Variants in ZNF534 observed in about 807,000 individuals in gnomAD.
ZNF534 encodes KRAB domain only 3.
A neutral mutation model predicts 13.6 loss-of-function variants in ZNF534; 19 were observed. The ratio of observed to expected loss-of-function variants is 1.40; its 90% confidence interval spans 0.97 to 2.05. The LOEUF (loss-of-function observed/expected upper bound fraction) is 2.05, where lower values mean the gene tolerates loss of function less well. Among genes scored for constraint, ZNF534 ranks in the 30% most tolerant of loss-of-function variants. The probability of loss-of-function intolerance (pLI) is 0.00; values close to 1 mark genes in which losing one functional copy is unlikely to be tolerated. For missense variants in ZNF534, 782 were observed against 796.3 expected (o/e 0.98, Z 0.22); for synonymous variants, 244 against 273.8 (o/e 0.89, Z 1.07).
chr19:52,439,717 A>T lies in ZNF534; in HGVS notation c.*271A>T, dbSNP rs10421215. ...GAGCCTCCAGTGAGCCGAGTGAGCC[A>T]CTGCACTCCAGCCTAGGTGACAGAG... On this transcript the variant is annotated 3_prime_UTR_variant, in exon 5 of 5. Coordinates refer to ENST00000433050, the MANE Select transcript of ZNF534 (RefSeq NM_001143938.3). Among the ~76,000 whole-genome samples the T allele has an allele frequency of 0.25, 37,889 of 150,918 alleles. 5,218 individuals are homozygous for T. The highest frequency in any genetic ancestry group is 0.31 in the Non-Finnish European group (21,323 of 67,780).
At chr19:52,451,269 C>T in exon 5 of ZNF534, 1 of 952,246 alleles carries the variant, frequency 1.1e-6, no homozygotes, top group South Asian at 1.4e-5. Flanking sequence ...AGCCAACCGG[C>T]CCAAACTTTG....
At chr19:52,449,206 C>T (rs2059204305) in intron 4 of ZNF534, among the ~76,000 whole-genome samples, 1 of 152,164 alleles carries the variant, frequency 6.6e-6, no homozygotes, top group African/African-American at 2.4e-5. Flanking sequence ...AAAGGATGAA[C>T]AGTATACCAT....
chr19:52,445,411 G>A (rs2059191105), downstream of ZNF534, among the ~76,000 whole-genome samples: 3 of 152,072 alleles, frequency 2.0e-5, no homozygotes, highest in Non-Finnish European at 4.4e-5. Context: ...TGGCCAGGCT[G>A]GTCTCGAACT....
At position 52,439,521 on chromosome 19, in the gene ZNF534, A is replaced by G. The variant is rs1284641589; in HGVS notation, c.*75A>G. On this transcript the variant is annotated 3_prime_UTR_variant, in exon 5 of 5. Coordinates refer to ENST00000433050, the MANE Select transcript of ZNF534 (RefSeq NM_001143938.3). ...CACTTTGGGAGTCCGAGGCAGGTGG[A>G]TCATGAGGTCAGGAGATTGAGACCA... The G allele has an allele frequency of 8.1e-6, 11 of 1,349,696 alleles. No individual in the cohort carries two copies. The highest frequency in any genetic ancestry group is 1.1e-5 in the Non-Finnish European group (11 of 1,008,158). The allele number at this position is 1,349,696 out of a possible 1,614,324, so 83.6% of individuals were successfully genotyped here. A position where few individuals can be genotyped will look rare whatever the true frequency, so the allele number is the denominator to read the frequency against.
At chr19:52,450,672 T>TTTTTTG (rs2059210251) in intron 4 of ZNF534, among the ~76,000 whole-genome samples, 2 of 18,246 alleles carry the variant, frequency 1.1e-4, no homozygotes, top group Non-Finnish European at 2.6e-4. Flanking sequence ...TTTTAGGAGT[T>TTTTTTG]TTTTTTTTTT....
chr19:52,450,041 G>GA (rs2059207761), intron 4 of ZNF534, among the ~76,000 whole-genome samples: 2 of 152,138 alleles, frequency 1.3e-5, no homozygotes, highest in Non-Finnish European at 2.9e-5. Context: ...TTGCTATCGT[G>GA]ATGTTTGAGT....
chr19:52,441,235 C>T lies in ZNF534; in HGVS notation c.*1789C>T, dbSNP rs1179438134. On this transcript the variant is annotated 3_prime_UTR_variant, in exon 5 of 5. Transcript: ENST00000433050. ...ATCATATGAATATATGGAATGTACT[C>T]CAGGCATGGTGGCTCACACCTATAA... Among the ~76,000 whole-genome samples the T allele has an allele frequency of 6.6e-6, 1 of 151,922 alleles. No individual in the cohort carries two copies. Among genetic ancestry groups the T allele is most frequent in the African/African-American group, 2.4e-5 (1 of 41,372 alleles).
In ZNF534 at chr19:52,439,764, GA is replaced by G. The variant is rs71180462; in HGVS notation, c.*330del. Among the ~76,000 whole-genome samples, 127,309 of 149,338 alleles carry G rather than the reference GA, an allele frequency of 0.85. 55,610 individuals are homozygous for G. Among genetic ancestry groups the G allele is most frequent in the Non-Finnish European group, 0.96 (64,736 of 67,500 alleles). ...AGAGTGAAACTCCATCTCAAAAAAA[GA>G]AAAAAAAAAAATGAGTGAAGCTGCC... is the stretch of plus-strand genomic sequence containing the variant. On this transcript the variant is annotated 3_prime_UTR_variant, in exon 5 of 5. Transcript: ENST00000433050.
In ZNF534 at chr19:52,439,416, T is replaced by C. The variant is rs2059156738; in HGVS notation, c.1956T>C (p.His652=). ...GTAAAAATTCCATCCTAGTACAACA[T>C]TGCAGTATTCATACCAGAGAGAAGC... ...VFSKNSILVQ[H]CSIHTREKP Residue 652 remains histidine, a synonymous_variant, in exon 5 of 5, where the codon CAT becomes CAC. Coordinates refer to ENST00000433050, the MANE Select transcript of ZNF534 (RefSeq NM_001143938.3). The C allele has an allele frequency of 1.9e-6, 3 of 1,542,790 alleles. No homozygotes were observed. The highest frequency in any genetic ancestry group is 2.6e-6 in the Non-Finnish European group (3 of 1,142,206).
exon 5 of ZNF534, chr19:52,451,373 C>A: frequency 3.2e-6 from 3 of 925,698 alleles, no homozygotes; most frequent in South Asian, 1.4e-5. Context: ...GCGAGGCTCA[C>A]GGCAGAGGGC....
At position 52,439,454 on chromosome 19, in the gene ZNF534, G is replaced by A. The variant is rs1312570430; in HGVS notation, c.*8G>A. 6.7e-7 allele frequency: 1 copy of A among 1,503,582 alleles called. No individual in the cohort carries two copies. The highest frequency in any genetic ancestry group is 1.7e-4 in the Middle Eastern group (1 of 5,734). The allele number at this position is 1,503,582 out of a possible 1,614,324, so 93.1% of individuals were successfully genotyped here. A position where few individuals can be genotyped will look rare whatever the true frequency, so the allele number is the denominator to read the frequency against. ...ACCAGAGAGAAGCCTTAAAAATTTA[G>A]TGAAGCTGGCAGGGCGCAGTGGCTC... On this transcript the variant is annotated 3_prime_UTR_variant, in exon 5 of 5. Transcript: ENST00000433050.
chr19:52,430,295 C>T (rs1473506385), intron 1 of ZNF534, among the ~76,000 whole-genome samples: 1 of 152,026 alleles, frequency 6.6e-6, no homozygotes, highest in Non-Finnish European at 1.5e-5. Context: ...GGATTACAGG[C>T]GTGAGCCACT....
chr19:52,433,900 T>C, intron 2 of ZNF534, 55 bp from the exon 3 acceptor site: 1 of 1,603,326 alleles, frequency 6.2e-7, no homozygotes, highest in Non-Finnish European at 8.5e-7. Context: ...CTCATTCTGT[T>C]TGAAGATAAG....
At chr19:52,451,437 G>T in exon 5 of ZNF534, 1 of 652,116 alleles carries the variant, frequency 1.5e-6, no homozygotes, top group South Asian at 1.7e-5. Flanking sequence ...GCAGTGCGGC[G>T]CCGCACGCCC....
chr19:52,444,684 G>C (rs150471783), downstream of ZNF534, among the ~76,000 whole-genome samples: 6 of 152,130 alleles, frequency 3.9e-5, no homozygotes, highest in South Asian at 1.2e-3. Flanking sequence ...CTGCTGCTGT[G>C]GGGGATGGGG....
intron 4 of ZNF534, among the ~76,000 whole-genome samples, chr19:52,436,320 AT>A (rs1388680612): frequency 6.6e-6 from 1 of 152,128 alleles, no homozygotes; most frequent in Non-Finnish European, 1.5e-5. Context: ...ACATAGACTT[AT>A]ACAGTTTCCT....
exon 5 of ZNF534, chr19:52,451,888 C>T: frequency 1.6e-6 from 1 of 634,012 alleles, no homozygotes; most frequent in Non-Finnish European, 2.9e-6. Flanking sequence ...GAAGTTCAAG[C>T]TTTGGATGAC....
rs748381023 is a variant in ZNF534, at chr19:52,437,882, A to G, written c.422A>G (p.Asp141Gly). The change falls in exon 5 of 5, where the codon GAC becomes GGC. Residue 141 changes from aspartate (D) to glycine (G), a missense_variant. This residue lies in a region of ZNF534 where 591 missense variants were observed against 574.0 expected (regional missense o/e 1.03). Coordinates refer to ENST00000433050, the MANE Select transcript of ZNF534 (RefSeq NM_001143938.3). ...AAGCATGTTGAGAAATCTATCAGTG[A>G]CAATTCTTCAGTTTCACCAGTTCAA... is the stretch of plus-strand genomic sequence containing the variant. Reference protein sequence around the residue: ...GCKHVEKSISDNSSVSPVQIS... With the variant: ...GCKHVEKSISGNSSVSPVQIS... 12 of 1,613,706 alleles carry G rather than the reference A, an allele frequency of 7.4e-6. No homozygotes were observed. The South Asian group carries it at 1.2e-4, about 16-fold the overall frequency.
chr19:52,438,419 A>G lies in ZNF534; in HGVS notation c.959A>G (p.His320Arg), dbSNP rs1336240099. ...CSSLTAHLVI[H>R]TGEKPYDCKE... ...AGTCTTACTGCTCATCTTGTAATCC[A>G]TACTGGAGAGAAACCTTATGATTGT... Residue 320 changes from histidine (H) to arginine (R), a missense_variant, in exon 5 of 5, where the codon CAT (histidine) becomes CGT (arginine). Around this residue, in one of 5 missense-constraint regions of ZNF534, gnomAD observed 591 missense variants for 574.0 expected, o/e 1.03. Transcript: ENST00000433050. 1 of 1,613,690 alleles carries G rather than the reference A, an allele frequency of 6.2e-7. No individual in the cohort carries two copies.
Sources: gnomAD v4.1 joint callset for allele counts (sites outside exome capture counted in the v4.1 genomes callset) on GRCh38, gnomAD v4.1.1 for gene constraint, gnomAD v4.1.1 regional missense constraint, MANE v1.5 for transcripts, NCBI Gene and HGNC (gene_info 2026-07-23, HGNC 2026-07-21) for gene names.